ANKRD13A: variants seen among roughly 807,000 people sequenced by gnomAD.
The protein encoded by ANKRD13A is ankyrin repeat domain 13A.
A neutral mutation model predicts 81.3 loss-of-function variants in ANKRD13A; 48 were observed. That is an observed-to-expected ratio of 0.59 (90% CI 0.47 to 0.75). ANKRD13A has a LOEUF of 0.75. ANKRD13A is among the 30% of genes least tolerant of loss of function. The probability of loss-of-function intolerance (pLI) is 0.00; values close to 1 mark genes in which losing one functional copy is unlikely to be tolerated. For synonymous variants in ANKRD13A, 230 were observed against 270.1 expected, an observed-to-expected ratio of 0.85 and a Z score of 1.45; for missense variants, 612 against 734.0, an observed-to-expected ratio of 0.83 and a Z score of 1.92.
chr12:110,036,399 G>A lies in ANKRD13A; in HGVS notation c.1577+71G>A, dbSNP rs886649086. On this transcript the variant is annotated intron_variant, in intron 14 of 14. Coordinates refer to ENST00000261739, the MANE Select transcript of ANKRD13A (RefSeq NM_033121.2). The surrounding 1 kb of genome is among the most constrained non-coding windows in gnomAD (Gnocchi z 4.6). ...CCTGGACACAGGCGAGCAGACGCGTGGCACTGTGCATTTGGTCCTCAGGCA... is the reference window on the plus strand; with the variant it reads ...CCTGGACACAGGCGAGCAGACGCGTAGCACTGTGCATTTGGTCCTCAGGCA... The A allele has an allele frequency of 8.7e-6, 13 of 1,486,192 alleles. No homozygotes were observed. The highest frequency in any genetic ancestry group is 2.8e-5 in the African/African-American group (2 of 72,138). The allele number at this position is 1,486,192 out of a possible 1,614,324, so 92.1% of individuals were successfully genotyped here.
intron 1 of ANKRD13A, among the ~76,000 whole-genome samples, chr12:110,009,872 G>A (rs1890425619): frequency 6.6e-6 from 1 of 152,122 alleles, no homozygotes; most frequent in Admixed American, 6.6e-5. Flanking sequence ...GTTTTGTTTT[G>A]TTTTGTTTTT....
intron 1 of ANKRD13A, among the ~76,000 whole-genome samples, chr12:110,008,290 G>A (rs1383055351): frequency 1.3e-5 from 2 of 152,154 alleles, no homozygotes; most frequent in South Asian, 2.1e-4. Flanking sequence ...ATGATATGGT[G>A]TAATACGTTA....
At chr12:110,022,464 A>C (rs1453436405) in intron 6 of ANKRD13A, 7 of 149,244 alleles carry the variant, frequency 4.7e-5, no homozygotes, top group Non-Finnish European at 8.8e-5. Context: ...AAAAAAAAAA[A>C]AGAGTGCAAA....
rs1889834813 is a variant in ANKRD13A at position 109,999,634 on chromosome 12, C to T, written c.-55C>T. 6.9e-7 allele frequency: 1 copy of T among 1,439,114 alleles called. No homozygotes were observed. The highest frequency in any genetic ancestry group is 2.3e-5 in the Admixed American group (1 of 43,712). 89.1% of individuals were successfully genotyped at this position (1,439,114 alleles called of 1,614,324 possible). A position where few individuals can be genotyped will look rare whatever the true frequency, so the allele number is the denominator to read the frequency against. ...GCAGGCAGGCGGGCGCGGGAGACCC[C>T]GCCGGGGCCGAGACTTGGGGCGGGC... On this transcript the variant is annotated 5_prime_UTR_variant, in exon 1 of 15. Transcript: ENST00000261739. The surrounding 1 kb of genome is among the most constrained non-coding windows in gnomAD (Gnocchi z 4.3).
At position 110,037,584 on chromosome 12, in the gene ANKRD13A, G is replaced by A; in HGVS notation, c.*30G>A. 1 of 1,599,376 alleles carries A rather than the reference G, an allele frequency of 6.3e-7. No individual in the cohort carries two copies. Reference sequence around the variant, plus strand: ...TTCAGCCTGTGAGCCTCTGCACAAAGCAGAGGCTGTGGGCTGTCACAGATG... The same window carrying A: ...TTCAGCCTGTGAGCCTCTGCACAAAACAGAGGCTGTGGGCTGTCACAGATG... On this transcript the variant is annotated 3_prime_UTR_variant, in exon 15 of 15. Transcript: ENST00000261739.
At position 110,037,827 on chromosome 12, in the gene ANKRD13A, G is replaced by A. The variant is rs1386257804; in HGVS notation, c.*273G>A. The A allele has an allele frequency of 5.5e-5, 16 of 289,266 alleles. No individual in the cohort carries two copies. Among genetic ancestry groups the A allele is most frequent in the Middle Eastern group, 1.0e-3 (1 of 1,000 alleles). 17.9% of individuals were successfully genotyped at this position (289,266 alleles called of 1,614,324 possible). ...TTCCATTAGCTGTATTGGCTTGCAG[G>A]TCACATTTTTACTACCAGCTTTAGA... On this transcript the variant is annotated 3_prime_UTR_variant, in exon 15 of 15. Coordinates refer to ENST00000261739, the MANE Select transcript of ANKRD13A (RefSeq NM_033121.2).
rs1269836713 is a variant in ANKRD13A at position 109,999,811 on chromosome 12, C to G, written c.96+27C>G. The G allele has an allele frequency of 2.6e-6, 4 of 1,513,176 alleles. No individual in the cohort carries two copies. In the African/African-American group the frequency reaches 4.2e-5, roughly 16 times the overall value. 93.7% of individuals were successfully genotyped at this position (1,513,176 alleles called of 1,614,324 possible). On this transcript the variant is annotated intron_variant, in intron 1 of 14. Coordinates refer to ENST00000261739, the MANE Select transcript of ANKRD13A (RefSeq NM_033121.2). This position sits in a 1 kb window ranked among gnomAD's most constrained non-coding sequence, Gnocchi z 4.3. ...TGAGGGGCGGGGCGGGGGTCCGTCT[C>G]CCGGTGGGGACTTCGGGGAATCGGG...
At chr12:110,008,586 T>C (rs1398957636) in intron 1 of ANKRD13A, among the ~76,000 whole-genome samples, 1 of 152,218 alleles carries the variant, frequency 6.6e-6, no homozygotes, top group Non-Finnish European at 1.5e-5. Context: ...AAATGTTTAA[T>C]AGCATTCACC....
chr12:109,999,730 C>T lies in ANKRD13A; in HGVS notation c.42C>T (p.His14=), dbSNP rs1889845273. ...ACGCGGGCGACCACTACCCCCTGCA[C>T]CTCCTAGTCTGGAAAAACGACTACC... ...ACDAGDHYPL[H]LLVWKNDYRQ... The change falls in exon 1 of 15, where the codon CAC becomes CAT. Residue 14 remains histidine, a synonymous_variant. Coordinates refer to ENST00000261739, the MANE Select transcript of ANKRD13A (RefSeq NM_033121.2). This position sits in a 1 kb window ranked among gnomAD's most constrained non-coding sequence, Gnocchi z 4.3. 2 of 1,536,866 alleles carry T rather than the reference C, an allele frequency of 1.3e-6. No individual in the cohort carries two copies. The highest frequency in any genetic ancestry group is 2.0e-5 in the Admixed American group (1 of 49,546).
At chr12:110,021,246 C>G (rs968622248) in intron 6 of ANKRD13A, 3 of 434,330 alleles carry the variant, frequency 6.9e-6, no homozygotes, top group African/African-American at 4.0e-5. Context: ...AGAATTGAGC[C>G]ACTCCTTAGG....
Position 110,028,711 on chromosome 12 carries a change from T to C in ANKRD13A, c.1076+69T>C, listed in dbSNP as rs186679330. ...GAAATTGTGCTGTTTTATGGTGTTA[T>C]GTTGGATCATTCCACTGCCCTCCCC... On this transcript the variant is annotated intron_variant, in intron 10 of 14. Transcript: ENST00000261739. 2.0e-4 allele frequency: 312 copies of C among 1,596,916 alleles called. 2 individuals carry two copies. Among genetic ancestry groups the C allele is most frequent in the Middle Eastern group, 1.7e-4 (1 of 5,992 alleles).
At position 109,999,789 on chromosome 12, in the gene ANKRD13A, G is replaced by C; in HGVS notation, c.96+5G>C. The C allele has an allele frequency of 6.5e-7, 1 of 1,529,422 alleles. No homozygotes were observed. The highest frequency in any genetic ancestry group is 8.8e-7 in the Non-Finnish European group (1 of 1,136,600). 94.7% of individuals were successfully genotyped at this position (1,529,422 alleles called of 1,614,324 possible). On this transcript the variant is annotated splice_donor_5th_base_variant and intron_variant, in intron 1 of 14. Coordinates refer to ENST00000261739, the MANE Select transcript of ANKRD13A (RefSeq NM_033121.2). This position sits in a 1 kb window ranked among gnomAD's most constrained non-coding sequence, Gnocchi z 4.3. ...GAGAAGGAGCTGCAGGGCCAGGTGA[G>C]GGGCGGGGCGGGGGTCCGTCTCCCG...
At chr12:110,023,110 C>A (rs1381923662) in intron 6 of ANKRD13A, among the ~76,000 whole-genome samples, 1 of 152,198 alleles carries the variant, frequency 6.6e-6, no homozygotes, top group African/African-American at 2.4e-5. Flanking sequence ...TGCATGACAT[C>A]CCAACCACTC....
At chr12:110,026,577 C>CAAAA (rs758540766) in intron 8 of ANKRD13A, among the ~76,000 whole-genome samples, 1 of 109,978 alleles carries the variant, frequency 9.1e-6, no homozygotes, top group Non-Finnish European at 1.9e-5. Flanking sequence ...AACTCCATCT[C>CAAAA]AAAAAAAAAA....
intron 1 of ANKRD13A, among the ~76,000 whole-genome samples, chr12:110,002,602 C>G (rs962597430): frequency 6.6e-6 from 1 of 152,050 alleles, no homozygotes; most frequent in Admixed American, 6.6e-5. Flanking sequence ...GGAGACAGAG[C>G]GAGGCTCCGA....
intron 8 of ANKRD13A, 51 bp downstream of exon 8, chr12:110,025,874 T>C: frequency 6.6e-7 from 1 of 1,508,876 alleles, no homozygotes; most frequent in East Asian, 2.3e-5. Context: ...TTTTTAAGCC[T>C]AGAGGGAACT....
chr12:110,002,412 T>C (rs539345277), intron 1 of ANKRD13A, among the ~76,000 whole-genome samples: 307 of 151,818 alleles, frequency 2.0e-3, no homozygotes, highest in Non-Finnish European at 2.0e-3. Context: ...AGGTCAGGAG[T>C]TGGAGACCAG....
rs758326203 is a variant in ANKRD13A at position 110,018,341 on chromosome 12, C to T, written c.401-4C>T. ...TTTCTCAGTAGTACACTTCTCTCCTCCAGTGCCCTTGGTTTCTAGAATATG... is the reference window on the plus strand; with the variant it reads ...TTTCTCAGTAGTACACTTCTCTCCTTCAGTGCCCTTGGTTTCTAGAATATG... On this transcript the variant is annotated splice_polypyrimidine_tract_variant and splice_region_variant and intron_variant, in intron 4 of 14. Transcript: ENST00000261739. The surrounding 1 kb of genome is among the most constrained non-coding windows in gnomAD (Gnocchi z 4.4). 1 of 1,613,936 alleles carries T rather than the reference C, an allele frequency of 6.2e-7. No individual in the cohort carries two copies. Among genetic ancestry groups the T allele is most frequent in the South Asian group, 1.1e-5 (1 of 91,052 alleles).
Position 110,005,764 on chromosome 12 carries a change from G to A in ANKRD13A, c.96+5980G>A, listed in dbSNP as rs78960397. Among the ~76,000 whole-genome samples, 501 of 152,226 alleles carry A rather than the reference G, an allele frequency of 3.3e-3. 4 individuals carry two copies. The highest frequency in any genetic ancestry group is 0.011 in the African/African-American group (471 of 41,536). ...TCAGTTGATGGACATTTGGGTTGTC[G>A]CCACTTTTTGGCTATTATGAGTAAC... On this transcript the variant is annotated intron_variant, in intron 1 of 14. Transcript: ENST00000261739.
Sources: allele counts gnomAD v4.1 joint callset (sites outside exome capture counted in the v4.1 genomes callset), GRCh38; gene constraint gnomAD v4.1.1; non-coding constraint Gnocchi (gnomAD v3.1); transcripts MANE v1.5; gene names NCBI Gene and HGNC (gene_info 2026-07-23, HGNC 2026-07-21).